The following SULF2 variants were observed in gnomAD, a reference collection of about 807,000 sequenced individuals.
SULF2 encodes the protein extracellular sulfatase Sulf-2.
In SULF2, 52 loss-of-function variants were observed where a neutral mutation model predicts 107.7. That is an observed-to-expected ratio of 0.48 (90% confidence interval 0.39 to 0.61). SULF2 has a LOEUF of 0.61. Ranked by LOEUF, SULF2 falls within the 20% of genes least tolerant of loss-of-function variation. SULF2 has a pLI of 0.00. For synonymous variants in SULF2, 460 were observed against 464.3 expected (o/e 0.99, Z 0.12); for missense variants, 993 against 1,177.3 (o/e 0.84, Z 2.29).
At chr20:47,703,567 C>A (rs1207792305) in intron 3 of SULF2, among the ~76,000 whole-genome samples, 2 of 152,184 alleles carry the variant, frequency 1.3e-5, no homozygotes, top group African/African-American at 4.8e-5. Flanking sequence ...TGAGTGGCTG[C>A]CCCAACCGGT....
intron 20 of SULF2, 106 bp downstream of exon 20, chr20:47,659,286 CATGAGAA>C: frequency 1.1e-6 from 1 of 919,210 alleles, no homozygotes; most frequent in Admixed American, 1.9e-5. Flanking sequence ...CCACCCTCAT[CATGAGAA>C]CAAACAAAGG....
At chr20:47,688,735 G>A (rs4810652) in intron 5 of SULF2, among the ~76,000 whole-genome samples, 131,465 of 151,884 alleles carry the variant, frequency 0.87, 57,373 homozygotes, top group African/African-American at 0.97. Context: ...GCAGCTCATC[G>A]TCTTCTGTCA....
chr20:47,770,868 C>T (rs761539209), intron 1 of SULF2, among the ~76,000 whole-genome samples: 14 of 152,164 alleles, frequency 9.2e-5, no homozygotes, highest in East Asian at 1.9e-4. Context: ...TACACAACAG[C>T]GAGGGTCCCA....
At chr20:47,779,256 C>G (rs980420962) in intron 1 of SULF2, among the ~76,000 whole-genome samples, 1 of 152,188 alleles carries the variant, frequency 6.6e-6, no homozygotes, top group Admixed American at 6.5e-5. Context: ...CAGTAGCAAC[C>G]CTTCCCCAGT....
At chr20:47,673,908 C>T (rs1440363812) in intron 10 of SULF2, among the ~76,000 whole-genome samples, 1 of 152,236 alleles carries the variant, frequency 6.6e-6, no homozygotes, top group Non-Finnish European at 1.5e-5. Flanking sequence ...CGCTGGCGAG[C>T]AGCCTCCTGT....
At chr20:47,692,702 T>A (rs770110247) in intron 4 of SULF2, among the ~76,000 whole-genome samples, 2 of 152,196 alleles carry the variant, frequency 1.3e-5, no homozygotes, top group Non-Finnish European at 2.9e-5. Flanking sequence ...CTTCAACTCC[T>A]GGTCTCAAGC....
chr20:47,712,288 G>A (rs1482789942), intron 3 of SULF2, among the ~76,000 whole-genome samples: 7 of 152,204 alleles, frequency 4.6e-5, no homozygotes, highest in African/African-American at 1.4e-4. Flanking sequence ...TAGGTCTCAC[G>A]CTCCCTAGGA....
At chr20:47,690,868 C>CAA (rs35385474) in intron 4 of SULF2, among the ~76,000 whole-genome samples, 38,362 of 135,148 alleles carry the variant, frequency 0.28, 5,518 homozygotes, top group East Asian at 0.48. Flanking sequence ...GACTCTGACT[C>CAA]AAAAAAAAAA....
In SULF2 at chr20:47,677,173, G is replaced by A. The variant is rs367867987; in HGVS notation, c.1194-39C>T. The A allele has an allele frequency of 1.3e-5, 21 of 1,611,682 alleles. No homozygotes were observed. The African/African-American group carries it at 1.9e-4, about 14-fold the overall frequency. On this transcript the variant is annotated intron_variant, in intron 8 of 20. Transcript: ENST00000688720. Reference sequence around the variant, plus strand: ...CGGCTCCTGCTTCTCAGCAACATGAGGGCTTCCCACGACCCCCCGTTCCCC... The same window carrying A: ...CGGCTCCTGCTTCTCAGCAACATGAAGGCTTCCCACGACCCCCCGTTCCCC...
chr20:47,713,850 A>G (rs149783251), intron 3 of SULF2, among the ~76,000 whole-genome samples: 122 of 152,238 alleles, frequency 8.0e-4, no homozygotes, highest in African/African-American at 2.9e-3. Context: ...GGGGGATGAA[A>G]ACTTGGACCT....
At chr20:47,719,340 T>C (rs996821153) in intron 3 of SULF2, among the ~76,000 whole-genome samples, 2 of 152,240 alleles carry the variant, frequency 1.3e-5, no homozygotes, top group African/African-American at 4.8e-5. Context: ...CACCAGGTGG[T>C]GTGTGACTTC....
In SULF2 at chr20:47,755,894, T is replaced by C. The variant is rs1448806421; in HGVS notation, c.175+1295A>G. Reference sequence around the variant, plus strand: ...TCTCTCCATCACGGCCCCAGCTCCCTCCACTCCGGCTCCCTGGCACTTTTT... The same window carrying C: ...TCTCTCCATCACGGCCCCAGCTCCCCCCACTCCGGCTCCCTGGCACTTTTT... On this transcript the variant is annotated intron_variant, in intron 2 of 20. Transcript: ENST00000688720. Among the ~76,000 whole-genome samples the C allele has an allele frequency of 2.7e-5, 4 of 147,312 alleles. 1 individual carries two copies. The highest frequency in any genetic ancestry group is 6.0e-5 in the Non-Finnish European group (4 of 67,084).
intron 19 of SULF2, 46 bp downstream of exon 19, chr20:47,659,651 C>G (rs906262693): frequency 6.4e-7 from 1 of 1,556,812 alleles, no homozygotes; most frequent in Non-Finnish European, 8.9e-7. Context: ...AAGGATGGGC[C>G]AAGATAGGAG....
intron 1 of SULF2, among the ~76,000 whole-genome samples, chr20:47,761,528 A>G (rs955053762): frequency 6.6e-6 from 1 of 152,256 alleles, no homozygotes; most frequent in Non-Finnish European, 1.5e-5. Context: ...TTCCCTGTAG[A>G]GCTAATTGTA....
Position 47,666,702 on chromosome 20 carries a change from C to T in SULF2, c.1577-214G>A, listed in dbSNP as rs1317775428. 6.6e-6 allele frequency among the ~76,000 whole-genome samples: 1 copy of T among 152,190 alleles called. No homozygotes were observed. Among genetic ancestry groups the T allele is most frequent in the Non-Finnish European group, 1.5e-5 (1 of 68,034 alleles). ...GTGATCACACCGGCAAGACGGAAGT[C>T]CTGGAGCCAAGAAGCCACTGACTCA... On this transcript the variant is annotated intron_variant, in intron 11 of 20. Transcript: ENST00000688720. This position sits in a 1 kb window ranked among gnomAD's most constrained non-coding sequence, Gnocchi z 5.4.
rs184266022 is a variant in SULF2, at chr20:47,700,938, G to T, written c.567+1581C>A. Among the ~76,000 whole-genome samples the T allele has an allele frequency of 2.0e-5, 3 of 152,290 alleles. No homozygotes were observed. In the East Asian group the frequency reaches 5.8e-4, roughly 29 times the overall value. On this transcript the variant is annotated intron_variant, in intron 4 of 20. Transcript: ENST00000688720. ...TGGGATTACAGGTGTGAGCCACTGCGCCTGGCCGGGCGCAACATCTTAACA... is the reference window on the plus strand; with the variant it reads ...TGGGATTACAGGTGTGAGCCACTGCTCCTGGCCGGGCGCAACATCTTAACA...
At chr20:47,667,492 G>A (rs71351688) in intron 11 of SULF2, among the ~76,000 whole-genome samples, 4 of 152,134 alleles carry the variant, frequency 2.6e-5, no homozygotes, top group African/African-American at 9.7e-5. Flanking sequence ...CGGTGATGTA[G>A]GGATCCAGAT....
intron 1 of SULF2, among the ~76,000 whole-genome samples, chr20:47,771,116 T>TGCAGTACATCCTCCCTC (rs2090621959): frequency 6.6e-6 from 1 of 152,168 alleles, no homozygotes; most frequent in Non-Finnish European, 1.5e-5. Flanking sequence ...GGGCCTCCCC[T>TGCAGTACATCCTCCCTC]GCAGTACATC....
At chr20:47,677,206 A>T in intron 8 of SULF2, 72 bp from the exon 9 acceptor site, 2 of 1,542,970 alleles carry the variant, frequency 1.3e-6, no homozygotes, top group Non-Finnish European at 1.8e-6. Flanking sequence ...CCCCAGGAGC[A>T]GGGACGGCAC....
Sources: gnomAD v4.1 joint callset for allele counts (sites outside exome capture counted in the v4.1 genomes callset) on GRCh38, gnomAD v4.1.1 for gene constraint, Gnocchi (gnomAD v3.1) non-coding constraint, MANE v1.5 for transcripts, NCBI Gene and HGNC (gene_info 2026-07-23, HGNC 2026-07-21) for gene names.